TBC1D2B: variants seen among roughly 807,000 people sequenced by gnomAD.
TBC1D2B encodes the protein TBC1 domain family, member 2B.
In TBC1D2B, 64 loss-of-function variants were observed where a neutral mutation model predicts 100.8. The observed-to-expected ratio is 0.64, with a 90% CI of 0.52 to 0.78. TBC1D2B has a LOEUF of 0.78. Among genes scored for constraint, TBC1D2B ranks in the 30% least tolerant of loss-of-function variants. The probability of loss-of-function intolerance (pLI) is 0.00; values close to 1 mark genes in which losing one functional copy is unlikely to be tolerated. For missense variants in TBC1D2B, 1,052 were observed against 1,218.4 expected, an observed-to-expected ratio of 0.86 and a Z score of 2.03; for synonymous variants, 480 against 479.7, an observed-to-expected ratio of 1.00 and a Z score of -0.01.
At position 78,012,860 on chromosome 15, in the gene TBC1D2B, G is replaced by T. The variant is rs747927065; in HGVS notation, c.2233C>A (p.Arg745=). 1 of 1,514,722 alleles carries T rather than the reference G, an allele frequency of 6.6e-7. No individual in the cohort carries two copies. The allele number at this position is 1,514,722 out of a possible 1,614,324, so 93.8% of individuals were successfully genotyped here. ...LRNVLLAFSW[R]NPDIGYCQGL... is the part of the protein sequence containing the mutation. ...TGACAGTAGCCGATATCTGGATTCC[G>T]CCAGGAGAAGGCGAGGAGGACATTG... The change falls in exon 9 of 13, where the codon CGG becomes AGG. Residue 745 remains arginine, a synonymous_variant. Coordinates refer to ENST00000300584, the MANE Select transcript of TBC1D2B (RefSeq NM_144572.2).
intron 2 of TBC1D2B, among the ~76,000 whole-genome samples, chr15:78,045,620 A>G (rs2073179389): frequency 1.3e-5 from 2 of 152,288 alleles, no homozygotes; most frequent in African/African-American, 4.8e-5. Context: ...ATGCTAAAGC[A>G]TGATGAAACT....
intron 3 of TBC1D2B, among the ~76,000 whole-genome samples, chr15:78,035,076 C>T (rs1259590912): frequency 6.6e-6 from 1 of 152,150 alleles, no homozygotes; most frequent in Non-Finnish European, 1.5e-5. Flanking sequence ...CTTTGAGAGG[C>T]CTACTGTGTT....
In TBC1D2B at chr15:78,054,743, G is replaced by A. The variant is rs189618275; in HGVS notation, c.361-556C>T. On this transcript the variant is annotated intron_variant, in intron 1 of 12. Transcript: ENST00000300584. The stretch of plus-strand genomic sequence containing the variant: ...TACTTTCATAAGCTGCAGGTGGAAT[G>A]CAACATGGTGCAGCTACTTTAGAAA... Among the ~76,000 whole-genome samples the A allele has an allele frequency of 2.6e-5, 4 of 152,308 alleles. No homozygotes were observed. In the East Asian group the frequency reaches 7.7e-4, roughly 29 times the overall value.
chr15:78,033,265 T>C (rs899212574), intron 3 of TBC1D2B, among the ~76,000 whole-genome samples: 2 of 152,210 alleles, frequency 1.3e-5, no homozygotes, highest in South Asian at 2.1e-4. Context: ...ACCTTACTTA[T>C]ACGCACACAC....
At chr15:78,035,724 T>C (rs1026643571) in intron 3 of TBC1D2B, among the ~76,000 whole-genome samples, 7 of 152,074 alleles carry the variant, frequency 4.6e-5, no homozygotes, top group African/African-American at 1.5e-4. Context: ...GAGACGTATG[T>C]ACAAGAATAT....
chr15:78,034,017 T>C (rs1480101062), intron 3 of TBC1D2B, among the ~76,000 whole-genome samples: 1 of 152,170 alleles, frequency 6.6e-6, no homozygotes, highest in Non-Finnish European at 1.5e-5. Context: ...GAACTGACAC[T>C]CACTTTCTCA....
chr15:78,029,179 C>T (rs1487851089), intron 4 of TBC1D2B, among the ~76,000 whole-genome samples: 2 of 151,998 alleles, frequency 1.3e-5, no homozygotes, highest in Non-Finnish European at 2.9e-5. Context: ...GCCTCAGCCT[C>T]CCAAGTAGCT....
intron 1 of TBC1D2B, among the ~76,000 whole-genome samples, chr15:78,058,593 T>C (rs1191284898): frequency 6.6e-6 from 1 of 152,144 alleles, no homozygotes; most frequent in Non-Finnish European, 1.5e-5. Flanking sequence ...AGGAGTTCCC[T>C]CCGCTGAGCC....
At chr15:78,027,802 C>CT (rs1440167093) in intron 4 of TBC1D2B, among the ~76,000 whole-genome samples, 4 of 152,326 alleles carry the variant, frequency 2.6e-5, no homozygotes, top group African/African-American at 9.6e-5. Context: ...GTTTTAATCT[C>CT]TTTTTTTCCA....
At chr15:78,040,013 C>T (rs1341353911) in intron 3 of TBC1D2B, among the ~76,000 whole-genome samples, 1 of 152,248 alleles carries the variant, frequency 6.6e-6, no homozygotes, top group Non-Finnish European at 1.5e-5. Flanking sequence ...CACAAAGCCA[C>T]AGAACTTTGC....
Position 78,024,186 on chromosome 15 carries a change from G to A in TBC1D2B, c.1440C>T (p.Ala480=), listed in dbSNP as rs371924190. The A allele has an allele frequency of 1.2e-5, 19 of 1,613,466 alleles. No individual in the cohort carries two copies. Among genetic ancestry groups the A allele is most frequent in the Admixed American group, 1.7e-5 (1 of 60,022 alleles). ...APSSPSVVPV[A]RDQLELDRLK... is the part of the protein sequence containing the mutation. ...GCCTGTCCAGTTCCAGCTGGTCCCT[G>A]GCAACAGGCACAACCGAAGGGGAGC... The change falls in exon 6 of 13, where the codon GCC becomes GCT. Residue 480 remains alanine, a synonymous_variant. Transcript: ENST00000300584.
At position 78,017,849 on chromosome 15, in the gene TBC1D2B, T is replaced by A; in HGVS notation, c.1579A>T (p.Lys527Ter). ...AERRERDLMA[K>*]YSSLEAKLCQ... The stretch of plus-strand genomic sequence containing the variant: ...AGAATCCACCTATCCTGACCCACCT[T>A]TGCCATCAGATCCCTCTCTCTCCTT... Residue 527 changes from lysine to a stop codon, truncating the protein, a stop_gained and splice_region_variant, in exon 7 of 13, where the codon AAG becomes TAG. Coordinates refer to ENST00000300584, the MANE Select transcript of TBC1D2B (RefSeq NM_144572.2). LOFTEE classifies it high-confidence loss of function. 6.2e-7 allele frequency: 1 copy of A among 1,604,352 alleles called. No individual in the cohort carries two copies. The highest frequency in any genetic ancestry group is 8.5e-7 in the Non-Finnish European group (1 of 1,173,602).
chr15:78,038,478 G>A (rs963240308), intron 3 of TBC1D2B, among the ~76,000 whole-genome samples: 1 of 152,220 alleles, frequency 6.6e-6, no homozygotes, highest in African/African-American at 2.4e-5. Flanking sequence ...AAGTGGGCCT[G>A]CAACAGAGGA....
chr15:77,999,499 G>A (rs1276534554), intron 12 of TBC1D2B: 2 of 274,096 alleles, frequency 7.3e-6, no homozygotes, highest in African/African-American at 4.5e-5. Context: ...CCAGAGAACA[G>A]AGAACGCCCA....
At chr15:78,035,766 T>C (rs1008378308) in intron 3 of TBC1D2B, among the ~76,000 whole-genome samples, 10 of 152,102 alleles carry the variant, frequency 6.6e-5, no homozygotes, top group Non-Finnish European at 1.5e-4. Flanking sequence ...GACAGAAAAG[T>C]AGAAACAAGC....
Position 78,040,838 on chromosome 15 carries a change from A to G in TBC1D2B, c.683+4062T>C, listed in dbSNP as rs919577735. Among the ~76,000 whole-genome samples the G allele has an allele frequency of 1.9e-3, 31 of 16,568 alleles. No individual in the cohort carries two copies. In the Admixed American group the frequency reaches 0.021, roughly 11 times the overall value. The allele number at this position is 16,568 out of a possible 152,430, so 10.9% of individuals were successfully genotyped here. On this transcript the variant is annotated intron_variant, in intron 3 of 12. Coordinates refer to ENST00000300584, the MANE Select transcript of TBC1D2B (RefSeq NM_144572.2). ...AAGCAAGAAAGAAGGAAAGAAAGAA[A>G]AAAGAAAGAAAGAAAGGAAGAAAGA...
At chr15:78,075,233 T>C (rs2141853785) in intron 1 of TBC1D2B, among the ~76,000 whole-genome samples, 1 of 152,202 alleles carries the variant, frequency 6.6e-6, no homozygotes, top group East Asian at 1.9e-4. Context: ...GGAGTCTCAC[T>C]CTGTCACCCA....
At chr15:78,018,867 C>A (rs2072442685) in intron 6 of TBC1D2B, among the ~76,000 whole-genome samples, 1 of 152,176 alleles carries the variant, frequency 6.6e-6, no homozygotes, top group Non-Finnish European at 1.5e-5. Flanking sequence ...GGATACTAAA[C>A]CGAATCACCT....
chr15:78,076,564 G>C (rs187429156), intron 1 of TBC1D2B, among the ~76,000 whole-genome samples: 6 of 150,466 alleles, frequency 4.0e-5, no homozygotes, highest in Admixed American at 2.7e-4. Flanking sequence ...GGGCAACATA[G>C]TGAGACCCCC....
Sources: gnomAD v4.1 joint callset for allele counts (sites outside exome capture counted in the v4.1 genomes callset) on GRCh38, gnomAD v4.1.1 for gene constraint, MANE v1.5 for transcripts, NCBI Gene and HGNC (gene_info 2026-07-23, HGNC 2026-07-21) for gene names.